Variants in DCUN1D5 observed in about 807,000 individuals in gnomAD.
The protein encoded by DCUN1D5 is DCN1-like protein 5.
DCUN1D5 carries 10 observed loss-of-function variants against 38.3 expected under a neutral mutation model. The ratio of observed to expected loss-of-function variants is 0.26; its 90% CI spans 0.16 to 0.44. DCUN1D5 has a LOEUF of 0.44. Ranked by LOEUF, DCUN1D5 falls within the 20% of genes least tolerant of loss-of-function variation. The pLI is 1.00. For synonymous variants in DCUN1D5, 93 were observed against 90.9 expected (o/e 1.02, Z -0.13); for missense variants, 148 against 275.3 (o/e 0.54, Z 3.27).
At position 103,065,983 on chromosome 11, in the gene DCUN1D5, C is replaced by T. The variant is rs1049678651; in HGVS notation, c.555+286G>A. On this transcript the variant is annotated intron_variant, in intron 6 of 7. Transcript: ENST00000260247. The surrounding 1 kb of genome is among the most constrained non-coding windows in gnomAD (Gnocchi z 4.6). ...AGCATTAACTCTCTTATGAAAACCC[C>T]GAGAAACTAATTCTGCAAGACAAAT... 7.3e-5 allele frequency among the ~76,000 whole-genome samples: 11 copies of T among 151,684 alleles called. No homozygotes were observed. Among genetic ancestry groups the T allele is most frequent in the South Asian group, 2.1e-4 (1 of 4,774 alleles).
intron 4 of DCUN1D5, among the ~76,000 whole-genome samples, chr11:103,080,222 G>A (rs1420413471): frequency 6.6e-6 from 1 of 152,062 alleles, no homozygotes; most frequent in African/African-American, 2.4e-5. Context: ...ATATTAAGAT[G>A]ATTTAAGAGA....
Position 103,086,318 on chromosome 11 carries a change from A to C in DCUN1D5, c.178+2909T>G, listed in dbSNP as rs1379902190. On this transcript the variant is annotated intron_variant, in intron 2 of 7. Transcript: ENST00000260247. The surrounding 1 kb of genome is among the most constrained non-coding windows in gnomAD (Gnocchi z 4.1). ...CTATTACTGTTTTAATAATAATAAC[A>C]TTTGAGTTCTGACTATATACCAGGT... Among the ~76,000 whole-genome samples the C allele has an allele frequency of 6.6e-6, 1 of 152,192 alleles. No homozygotes were observed. The highest frequency in any genetic ancestry group is 6.5e-5 in the Admixed American group (1 of 15,280).
rs1313135634 is a variant in DCUN1D5 at position 103,056,800 on chromosome 11, TA to T, written c.*5558del. On this transcript the variant is annotated 3_prime_UTR_variant, in exon 8 of 8. Transcript: ENST00000260247. This position sits in a 1 kb window ranked among gnomAD's most constrained non-coding sequence, Gnocchi z 4.9. ...AGGAAATCCTAGCTATTTCTTTTTATAAAAGACAGTAAATTTGTCAGAAAAA... is the reference window on the plus strand; with the variant it reads ...AGGAAATCCTAGCTATTTCTTTTTATAAAGACAGTAAATTTGTCAGAAAAA... Among the ~76,000 whole-genome samples the T allele has an allele frequency of 6.6e-6, 1 of 152,192 alleles. No individual in the cohort carries two copies. The highest frequency in any genetic ancestry group is 2.4e-5 in the African/African-American group (1 of 41,450).
chr11:103,072,046 A>G (rs549575637), intron 4 of DCUN1D5, among the ~76,000 whole-genome samples: 3 of 152,108 alleles, frequency 2.0e-5, no homozygotes, highest in African/African-American at 7.2e-5. Flanking sequence ...AAACTCAGAA[A>G]AAAAAAAATA....
rs528953044 is a variant in DCUN1D5, at chr11:103,061,130, A to G, written c.*1229T>C. 5.9e-5 allele frequency among the ~76,000 whole-genome samples: 9 copies of G among 152,312 alleles called. No individual in the cohort carries two copies. The South Asian group carries it at 1.9e-3, about 32-fold the overall frequency. On this transcript the variant is annotated 3_prime_UTR_variant, in exon 8 of 8. Coordinates refer to ENST00000260247, the MANE Select transcript of DCUN1D5 (RefSeq NM_032299.4). ...TCATTCTCTTAGGTAATCAATATGGAGAAATCATTCTTTAAACAAATTCAC... is the reference window on the plus strand; with the variant it reads ...TCATTCTCTTAGGTAATCAATATGGGGAAATCATTCTTTAAACAAATTCAC...
Position 103,091,575 on chromosome 11 carries a change from A to T in DCUN1D5, c.86+212T>A. The T allele has an allele frequency of 1.4e-6, 1 of 739,916 alleles. No individual in the cohort carries two copies. Among genetic ancestry groups the T allele is most frequent in the Non-Finnish European group, 2.2e-6 (1 of 456,728 alleles). 45.8% of individuals were successfully genotyped at this position (739,916 alleles called of 1,614,324 possible). ...GACTCTTAACGTGGGCGGCTCTTCTAGTCTCTCCATAAACGCCAGCGTGCA... is the reference window on the plus strand; with the variant it reads ...GACTCTTAACGTGGGCGGCTCTTCTTGTCTCTCCATAAACGCCAGCGTGCA... On this transcript the variant is annotated intron_variant, in intron 1 of 7. Coordinates refer to ENST00000260247, the MANE Select transcript of DCUN1D5 (RefSeq NM_032299.4). This position sits in a 1 kb window ranked among gnomAD's most constrained non-coding sequence, Gnocchi z 4.3.
At position 103,087,332 on chromosome 11, in the gene DCUN1D5, G is replaced by A. The variant is rs542509495; in HGVS notation, c.178+1895C>T. 9.2e-5 allele frequency among the ~76,000 whole-genome samples: 14 copies of A among 151,936 alleles called. No individual in the cohort carries two copies. Among genetic ancestry groups the A allele is most frequent in the East Asian group, 3.9e-4 (2 of 5,164 alleles). On this transcript the variant is annotated intron_variant, in intron 2 of 7. Transcript: ENST00000260247. The surrounding 1 kb of genome is among the most constrained non-coding windows in gnomAD (Gnocchi z 4.1). Reference sequence around the variant, plus strand: ...ACTACAGGCGCACACCACCACGCCCGGCTAATTGTTTGTGTTTTTGGTAGA... The same window carrying A: ...ACTACAGGCGCACACCACCACGCCCAGCTAATTGTTTGTGTTTTTGGTAGA...
At position 103,083,391 on chromosome 11, in the gene DCUN1D5, C is replaced by T. The variant is rs1012864583; in HGVS notation, c.179-65G>A. ...TCAACATAAAACATAAATCGTCATG[C>T]TAAAGGTACCCATGAACACACCATA... On this transcript the variant is annotated intron_variant, in intron 2 of 7. Transcript: ENST00000260247. This position sits in a 1 kb window ranked among gnomAD's most constrained non-coding sequence, Gnocchi z 4.4. 4 of 898,580 alleles carry T rather than the reference C, an allele frequency of 4.5e-6. No individual in the cohort carries two copies. Among genetic ancestry groups the T allele is most frequent in the African/African-American group, 1.7e-5 (1 of 60,200 alleles). 55.7% of individuals were successfully genotyped at this position (898,580 alleles called of 1,614,324 possible).
chr11:103,060,237 A>C lies in DCUN1D5; in HGVS notation c.*2122T>G, dbSNP rs901598283. 3.5e-4 allele frequency among the ~76,000 whole-genome samples: 54 copies of C among 152,158 alleles called. No homozygotes were observed. The highest frequency in any genetic ancestry group is 4.4e-5 in the Non-Finnish European group (3 of 68,008). On this transcript the variant is annotated 3_prime_UTR_variant, in exon 8 of 8. Transcript: ENST00000260247. ...TGGCCTCAGTGGTACTGGACTCCAA[A>C]GTATGGCTAGGGTAGGATAGGACAG...
rs1367001038 is a variant in DCUN1D5, at chr11:103,091,634, G to A, written c.86+153C>T. The A allele has an allele frequency of 1.8e-5, 26 of 1,417,736 alleles. No homozygotes were observed. In the East Asian group the frequency reaches 5.9e-4, roughly 32 times the overall value. 87.8% of individuals were successfully genotyped at this position (1,417,736 alleles called of 1,614,324 possible). A position where few individuals can be genotyped will look rare whatever the true frequency, so the allele number is the denominator to read the frequency against. ...AACACGAGGTCGGGTCGGGCGCGGA[G>A]ACTCGCGGTGTTCGGCACCTACAGC... is the stretch of plus-strand genomic sequence containing the variant. On this transcript the variant is annotated intron_variant, in intron 1 of 7. Coordinates refer to ENST00000260247, the MANE Select transcript of DCUN1D5 (RefSeq NM_032299.4). This position sits in a 1 kb window ranked among gnomAD's most constrained non-coding sequence, Gnocchi z 4.3.
chr11:103,076,890 CAG>C (rs1252824436), intron 4 of DCUN1D5, among the ~76,000 whole-genome samples: 1 of 152,124 alleles, frequency 6.6e-6, no homozygotes, highest in Non-Finnish European at 1.5e-5. Flanking sequence ...AAGAATCCAA[CAG>C]ACTTTTTTGT....
chr11:103,077,349 T>A lies in DCUN1D5; in HGVS notation c.341+5399A>T, dbSNP rs1197711012. Among the ~76,000 whole-genome samples, 1 of 152,108 alleles carries A rather than the reference T, an allele frequency of 6.6e-6. No individual in the cohort carries two copies. The highest frequency in any genetic ancestry group is 1.5e-5 in the Non-Finnish European group (1 of 68,024). On this transcript the variant is annotated intron_variant, in intron 4 of 7. Transcript: ENST00000260247. This position sits in a 1 kb window ranked among gnomAD's most constrained non-coding sequence, Gnocchi z 4.3. ...CGAATCTAGCTCCAAAATACTAACA[T>A]CAATACCTCAGAAATTGGGAAGTTT...
intron 4 of DCUN1D5, among the ~76,000 whole-genome samples, chr11:103,074,531 T>TA (rs1449980970): frequency 6.6e-6 from 1 of 152,066 alleles, no homozygotes; most frequent in Non-Finnish European, 1.5e-5. Flanking sequence ...TTAGCCTCCC[T>TA]AGTAGCTGGG....
Position 103,050,978 on chromosome 11 carries a change from T to A in DCUN1D5, c.*11381A>T, listed in dbSNP as rs1861712003. ...AGACCCAGAATAAGGGGGGAAACCCTCCATGTCTACAGGATGCAGTAGAGA... is the reference window on the plus strand; with the variant it reads ...AGACCCAGAATAAGGGGGGAAACCCACCATGTCTACAGGATGCAGTAGAGA... On this transcript the variant is annotated 3_prime_UTR_variant, in exon 8 of 8. Coordinates refer to ENST00000260247, the MANE Select transcript of DCUN1D5 (RefSeq NM_032299.4). 6.6e-6 allele frequency: 1 copy of A among 152,190 alleles called. No individual in the cohort carries two copies. Among genetic ancestry groups the A allele is most frequent in the Non-Finnish European group, 1.5e-5 (1 of 68,028 alleles). 9.4% of individuals were successfully genotyped at this position (152,190 alleles called of 1,614,324 possible). A position where few individuals can be genotyped will look rare whatever the true frequency, so the allele number is the denominator to read the frequency against.
intron 2 of DCUN1D5, 68 bp downstream of exon 2, chr11:103,089,159 T>C: frequency 6.7e-7 from 1 of 1,482,628 alleles, no homozygotes; most frequent in Admixed American, 1.7e-5. Flanking sequence ...AGATAATTTG[T>C]TAAATGAATA....
chr11:103,085,978 AAT>A (rs1023970063), intron 2 of DCUN1D5, among the ~76,000 whole-genome samples: 29 of 152,332 alleles, frequency 1.9e-4, no homozygotes, highest in Admixed American at 1.4e-3. Flanking sequence ...CATTAATTTA[AAT>A]ATCACTCAAG....
rs1862617821 is a variant in DCUN1D5, at chr11:103,083,413, C to G, written c.179-87G>C. On this transcript the variant is annotated intron_variant, in intron 2 of 7. Coordinates refer to ENST00000260247, the MANE Select transcript of DCUN1D5 (RefSeq NM_032299.4). This position sits in a 1 kb window ranked among gnomAD's most constrained non-coding sequence, Gnocchi z 4.4. The stretch of plus-strand genomic sequence containing the variant: ...ATGCTAAAGGTACCCATGAACACAC[C>G]ATAATATTTTGCAAATAATTAAATT... 7.7e-6 allele frequency: 5 copies of G among 650,436 alleles called. No individual in the cohort carries two copies. Among genetic ancestry groups the G allele is most frequent in the Non-Finnish European group, 1.3e-5 (5 of 373,586 alleles). 40.3% of individuals were successfully genotyped at this position (650,436 alleles called of 1,614,324 possible). A position where few individuals can be genotyped will look rare whatever the true frequency, so the allele number is the denominator to read the frequency against.
In DCUN1D5 at chr11:103,051,512, C is replaced by CCCG. The variant is rs1555025592; in HGVS notation, c.*10844_*10846dup. ...TTCACATATTTACTTCCCCCCCCCC[C>CCCG]CCGCCACCCCTGTGTTAACAGGTTT... On this transcript the variant is annotated 3_prime_UTR_variant, in exon 8 of 8. Coordinates refer to ENST00000260247, the MANE Select transcript of DCUN1D5 (RefSeq NM_032299.4). 3.7e-5 allele frequency: 5 copies of CCCG among 134,270 alleles called. No individual in the cohort carries two copies. In the East Asian group the frequency reaches 7.6e-4, roughly 20 times the overall value. 8.3% of individuals were successfully genotyped at this position (134,270 alleles called of 1,614,324 possible). A position where few individuals can be genotyped will look rare whatever the true frequency, so the allele number is the denominator to read the frequency against.
Position 103,089,301 on chromosome 11 carries a change from G to T in DCUN1D5, c.104C>A (p.Pro35His), listed in dbSNP as rs773260997. Residue 35 changes from proline (P) to histidine (H), a missense_variant, in exon 2 of 8, where the codon CCC becomes CAC. Physicochemically the swap from Pro to His is moderately conservative, Grantham distance 77 (BLOSUM62 -2). Transcript: ENST00000260247. ...CKISSYCRSQ[P>H]PARLISGEEH... ...CTCTCCACTTATTAGTCTAGCAGGG[G>T]GTTGGGATCTGCAATAGCTTAGAAA... The T allele has an allele frequency of 3.7e-6, 6 of 1,607,862 alleles. No individual in the cohort carries two copies. The highest frequency in any genetic ancestry group is 4.3e-6 in the Non-Finnish European group (5 of 1,175,768).
Sources: gnomAD v4.1 joint callset for allele counts (sites outside exome capture counted in the v4.1 genomes callset) on GRCh38, gnomAD v4.1.1 for gene constraint, Gnocchi (gnomAD v3.1) non-coding constraint, MANE v1.5 for transcripts, NCBI Gene and HGNC (gene_info 2026-07-23, HGNC 2026-07-21) for gene names.